CSGALNACT1: variants seen among roughly 807,000 people sequenced by gnomAD.
CSGALNACT1 encodes the protein chondroitin sulfate N-acetylgalactosaminyltransferase 1, also known as beta4GalNAcT-1.
Under a neutral mutation model 51.0 loss-of-function variants are expected in CSGALNACT1, and 52 were observed. That is an observed-to-expected ratio of 1.02 (90% CI 0.82 to 1.29). The LOEUF (loss-of-function observed/expected upper bound fraction) is 1.29, where lower values mean the gene tolerates loss of function less well. Ranked by LOEUF, CSGALNACT1 falls within the 50% of genes most tolerant of loss-of-function variation. The pLI is 0.00. For synonymous variants in CSGALNACT1, 341 were observed against 254.4 expected (o/e 1.34, Z -3.24); for missense variants, 935 against 679.2 (o/e 1.38, Z -4.19).
chr8:19,747,347 G>A (rs890695114), intron 1 of CSGALNACT1, among the ~76,000 whole-genome samples: 9 of 152,212 alleles, frequency 5.9e-5, no homozygotes, highest in East Asian at 1.9e-4. Context: ...CTAAGGAGGC[G>A]TTCCCTGAGG....
intron 8 of CSGALNACT1, 21 bp downstream of exon 7, chr8:19,418,635 A>G (rs1029253944): frequency 1.3e-6 from 2 of 1,519,260 alleles, no homozygotes; most frequent in Non-Finnish European, 1.8e-6. Flanking sequence ...ACACAGAGCC[A>G]TCTGCAGGGT....
At chr8:19,702,864 G>C (rs1036422766) in intron 1 of CSGALNACT1, among the ~76,000 whole-genome samples, 2 of 152,118 alleles carry the variant, frequency 1.3e-5, no homozygotes, top group African/African-American at 4.8e-5. Flanking sequence ...CCCCTAAAGG[G>C]AATCAGTGTA....
chr8:19,458,742 T>A (rs775648798), intron 4 of CSGALNACT1, 100 bp from the exon 4 acceptor site: 6 of 1,107,136 alleles, frequency 5.4e-6, no homozygotes, highest in Admixed American at 1.8e-5. Context: ...TAAAAAGTGT[T>A]TAAGATGAAA....
In CSGALNACT1 at chr8:19,757,001, C is replaced by CT. The variant is rs1054370658; in HGVS notation, c.-297+848_-297+849insA. 9.9e-5 allele frequency among the ~76,000 whole-genome samples: 15 copies of CT among 150,858 alleles called. No homozygotes were observed. Among genetic ancestry groups the CT allele is most frequent in the African/African-American group, 3.6e-4 (15 of 41,218 alleles). ...CCGGCCCCTGCCCGTGCCCTGGGCC[C>CT]CCGGCGGGCAGCGGCGGAGGGAGGC... On this transcript the variant is annotated intron_variant, in intron 1 of 1. Coordinates refer to the CSGALNACT1 transcript ENST00000517494. The surrounding 1 kb of genome is among the most constrained non-coding windows in gnomAD (Gnocchi z 4.0).
intron 3 of CSGALNACT1, among the ~76,000 whole-genome samples, chr8:19,571,176 C>T (rs2042945128): frequency 6.6e-6 from 1 of 152,038 alleles, no homozygotes; most frequent in South Asian, 2.1e-4. Flanking sequence ...TGCTATGTTG[C>T]CCAGGCTGGT....
At chr8:19,595,651 C>T (rs1002653868) in intron 2 of CSGALNACT1, among the ~76,000 whole-genome samples, 7 of 151,810 alleles carry the variant, frequency 4.6e-5, no homozygotes, top group African/African-American at 1.7e-4. Flanking sequence ...CATGGTGGCT[C>T]ACACCTGTAA....
intron 3 of CSGALNACT1, among the ~76,000 whole-genome samples, chr8:19,569,243 T>C (rs894531618): frequency 2.0e-5 from 3 of 152,194 alleles, no homozygotes; most frequent in African/African-American, 4.8e-5. Flanking sequence ...AAGCATAATG[T>C]GCTTGACTAT....
intron 3 of CSGALNACT1, among the ~76,000 whole-genome samples, chr8:19,514,004 G>A (rs990652096): frequency 2.0e-5 from 3 of 152,080 alleles, no homozygotes; most frequent in African/African-American, 7.2e-5. Context: ...TTCAGAGCAG[G>A]GTTTTCAGGT....
chr8:19,576,002 C>T (rs1457731571), intron 3 of CSGALNACT1, among the ~76,000 whole-genome samples: 1 of 152,028 alleles, frequency 6.6e-6, no homozygotes, highest in Admixed American at 6.6e-5. Context: ...GCAGAGCAGG[C>T]CAAGCAGGTG....
At chr8:19,505,499 G>C (rs2077151042) in exon 4 of CSGALNACT1, 1 of 1,614,088 alleles carries the variant, frequency 6.2e-7, no homozygotes, top group Non-Finnish European at 8.5e-7. Flanking sequence ...TTTTCTCTGG[G>C]GGGCTCCTGT....
intron 1 of CSGALNACT1, among the ~76,000 whole-genome samples, chr8:19,621,711 G>C (rs965437192): frequency 1.3e-5 from 2 of 152,100 alleles, no homozygotes; most frequent in East Asian, 1.9e-4. Context: ...AGACCATGAG[G>C]TTGAGGCTGC....
intron 1 of CSGALNACT1, among the ~76,000 whole-genome samples, chr8:19,722,321 G>C (rs58558359): frequency 0.23 from 34,854 of 152,020 alleles, 4,298 homozygotes; most frequent in African/African-American, 0.32. Flanking sequence ...TGAATTAATC[G>C]ATTAGCTTTT....
chr8:19,420,025 ACT>A (rs1186364919), intron 7 of CSGALNACT1, among the ~76,000 whole-genome samples: 1 of 152,144 alleles, frequency 6.6e-6, no homozygotes, highest in South Asian at 2.1e-4. Context: ...CCTTACACAC[ACT>A]GTCTCGCCTG....
In CSGALNACT1 at chr8:19,667,889, C is replaced by T. The variant is rs527535136; in HGVS notation, c.-544+14584G>A. ...ATAAAAAAGTATTAAACTCAATGAA[C>T]GATCATGGAATTTCCTCCAACTAAA... On this transcript the variant is annotated intron_variant, in intron 1 of 9. Coordinates refer to the CSGALNACT1 transcript ENST00000332246. 1.1e-4 allele frequency among the ~76,000 whole-genome samples: 17 copies of T among 152,140 alleles called. 1 individual carries two copies. In the East Asian group the frequency reaches 1.4e-3, roughly 12 times the overall value.
intron 1 of CSGALNACT1, among the ~76,000 whole-genome samples, chr8:19,755,006 A>G (rs1716842937): frequency 6.6e-6 from 1 of 152,242 alleles, no homozygotes; most frequent in African/African-American, 2.4e-5. Flanking sequence ...TTATTAAAAG[A>G]AGGATGTGAT....
At chr8:19,744,778 C>T (rs2064544596) in intron 1 of CSGALNACT1, among the ~76,000 whole-genome samples, 2 of 152,184 alleles carry the variant, frequency 1.3e-5, no homozygotes, top group African/African-American at 4.8e-5. Flanking sequence ...AGTTTTTACT[C>T]ACCATGTTGA....
chr8:19,452,581 A>T (rs777270428), intron 5 of CSGALNACT1, among the ~76,000 whole-genome samples: 1 of 152,220 alleles, frequency 6.6e-6, no homozygotes, highest in African/African-American at 2.4e-5. Context: ...CAGAAGCGAT[A>T]GAAACAGAGC....
At chr8:19,749,014 G>C (rs911921698) in intron 1 of CSGALNACT1, among the ~76,000 whole-genome samples, 11 of 151,448 alleles carry the variant, frequency 7.3e-5, no homozygotes, top group South Asian at 2.1e-4. Flanking sequence ...GAGTTAAAAA[G>C]TGAGGTCGTT....
intron 1 of CSGALNACT1, among the ~76,000 whole-genome samples, chr8:19,699,504 A>G (rs2061749361): frequency 6.6e-6 from 1 of 152,228 alleles, no homozygotes; most frequent in Admixed American, 6.5e-5. Context: ...GTGAACCATG[A>G]GGATCTGATG....
Sources: gnomAD v4.1 joint callset for allele counts (sites outside exome capture counted in the v4.1 genomes callset) on GRCh38, gnomAD v4.1.1 for gene constraint, Gnocchi (gnomAD v3.1) non-coding constraint, MANE v1.5 for transcripts, NCBI Gene and HGNC (gene_info 2026-07-23, HGNC 2026-07-21) for gene names.